MRM3: variants seen among roughly 807,000 people sequenced by gnomAD.
MRM3 encodes mitochondrial rRNA methyltransferase 3.
A neutral mutation model predicts 29.4 loss-of-function variants in MRM3; 26 were observed. The ratio of observed to expected loss-of-function variants is 0.89; its 90% confidence interval spans 0.65 to 1.23. The LOEUF is 1.23. Ranked by LOEUF, MRM3 falls within the 50% of genes most tolerant of loss-of-function variation. MRM3 has a pLI of 0.00. For missense variants in MRM3, 578 were observed against 540.2 expected (o/e 1.07, Z -0.69); for synonymous variants, 225 against 219.0 (o/e 1.03, Z -0.24).
rs936064541 is a variant in MRM3, at chr17:787,903, A to G, written c.560-62A>G. The G allele has an allele frequency of 7.4e-6, 11 of 1,493,790 alleles. No individual in the cohort carries two copies. The highest frequency in any genetic ancestry group is 1.0e-5 in the Non-Finnish European group (11 of 1,074,860). 92.5% of individuals were successfully genotyped at this position (1,493,790 alleles called of 1,614,324 possible). A position where few individuals can be genotyped will look rare whatever the true frequency, so the allele number is the denominator to read the frequency against. On this transcript the variant is annotated intron_variant, in intron 2 of 3. Coordinates refer to ENST00000304478, the MANE Select transcript of MRM3 (RefSeq NM_018146.4). This position sits in a 1 kb window ranked among gnomAD's most constrained non-coding sequence, Gnocchi z 4.1. ...CCATATCAAGATTGATAAGTAAATG[A>G]AAAGTCAGACTATTCCCCGTGCCCA...
chr17:791,816 T>C lies in MRM3; in HGVS notation c.1010T>C (p.Val337Ala). 6.2e-7 allele frequency: 1 copy of C among 1,614,166 alleles called. No homozygotes were observed. The highest frequency in any genetic ancestry group is 1.1e-5 in the South Asian group (1 of 91,084). The change falls in exon 4 of 4, where the codon GTT becomes GCT. Residue 337 changes from valine (V) to alanine (A), a missense_variant. By Grantham distance (64) the Val-to-Ala change is moderately conservative (BLOSUM62 0). Coordinates refer to ENST00000304478, the MANE Select transcript of MRM3 (RefSeq NM_018146.4). ...TGASQDWLPHVEVQSYDSDWT... is the reference protein window; with the variant it reads ...TGASQDWLPHAEVQSYDSDWT... ...GCCAGTCAAGATTGGCTGCCTCATG[T>C]TGAGGTTCAGAGTTACGACTCGGAC...
chr17:788,608 A>G (rs1268525804), intron 3 of MRM3, among the ~76,000 whole-genome samples: 4 of 151,886 alleles, frequency 2.6e-5, no homozygotes, highest in Admixed American at 6.6e-5. Context: ...ATGAACAACT[A>G]TGCCCAGCCA....
chr17:786,836 T>C (rs920933703), intron 2 of MRM3, among the ~76,000 whole-genome samples: 10 of 152,234 alleles, frequency 6.6e-5, no homozygotes, highest in Non-Finnish European at 1.5e-4. Flanking sequence ...TTTAGACACA[T>C]GGACAGACAG....
At position 791,983 on chromosome 17, in the gene MRM3, A is replaced by G. The variant is rs569705225; in HGVS notation, c.1177A>G (p.Met393Val). The G allele has an allele frequency of 2.5e-6, 4 of 1,614,014 alleles. No homozygotes were observed. The highest frequency in any genetic ancestry group is 3.4e-6 in the Non-Finnish European group (4 of 1,180,034). Reference sequence around the variant, plus strand: ...TGGTGTGGACAGCCTCAACTCGGCCATGGCGGCAAGCATCCTGCTTTTCGA... The same window carrying G: ...TGGTGTGGACAGCCTCAACTCGGCCGTGGCGGCAAGCATCCTGCTTTTCGA... ...VPGVDSLNSA[M>V]AASILLFEGK... The change falls in exon 4 of 4, where the codon ATG (methionine) becomes GTG (valine). Residue 393 changes from methionine (M) to valine (V), a missense_variant. Coordinates refer to ENST00000304478, the MANE Select transcript of MRM3 (RefSeq NM_018146.4).
intron 1 of MRM3, 23 bp from the exon 2 acceptor site, chr17:783,056 GTTTT>G (rs34512506): frequency 2.0e-4 from 266 of 1,352,314 alleles, no homozygotes; most frequent in Non-Finnish European, 2.5e-4. Flanking sequence ...ATAGTTACCT[GTTTT>G]TTTTTTTTAT....
intron 3 of MRM3, among the ~76,000 whole-genome samples, chr17:788,981 C>G (rs1910670171): frequency 6.6e-6 from 1 of 152,148 alleles, no homozygotes; most frequent in African/African-American, 2.4e-5. Flanking sequence ...AATGTTGATT[C>G]TCTTTTTTAA....
In MRM3 at chr17:791,879, AGAC is replaced by A; in HGVS notation, c.1074_1076del (p.Glu358_Thr359delinsAsp). The A allele has an allele frequency of 1.2e-6, 2 of 1,613,668 alleles. No homozygotes were observed. The highest frequency in any genetic ancestry group is 3.3e-4 in the Middle Eastern group (2 of 6,040). ...CCGGCAGCTGTGGTGATTGGCGGGG[AGAC>A]CTACGGCGTGAGCCTGGAGTCCCTG... On this transcript the variant is annotated inframe_deletion, in exon 4 of 4. Transcript: ENST00000304478.
chr17:790,750 C>T (rs55710915), intron 3 of MRM3, among the ~76,000 whole-genome samples: 1 of 91,576 alleles, frequency 1.1e-5, no homozygotes, highest in African/African-American at 7.0e-5. Context: ...TGCCACCACA[C>T]CCCCACCGGC....
Position 783,271 on chromosome 17 carries a change from T to G in MRM3, c.503T>G (p.Val168Gly). ...DKLKGVSLIK[V>G]KFEDIKDWSD... ...CTGAAAGGTGTCAGCCTCATTAAGG[T>G]GAAATTTGAGGATATCAAGGATTGG... The change falls in exon 2 of 4, where the codon GTG becomes GGG. Residue 168 changes from valine (V) to glycine (G), a missense_variant. Transcript: ENST00000304478. The G allele has an allele frequency of 6.2e-7, 1 of 1,613,730 alleles. No individual in the cohort carries two copies. Among genetic ancestry groups the G allele is most frequent in the Non-Finnish European group, 8.5e-7 (1 of 1,179,912 alleles).
At position 792,213 on chromosome 17, in the gene MRM3, G is replaced by T. The variant is rs927196981; in HGVS notation, c.*144G>T. On this transcript the variant is annotated 3_prime_UTR_variant, in exon 4 of 4. Coordinates refer to ENST00000304478, the MANE Select transcript of MRM3 (RefSeq NM_018146.4). ...CGTCATACAGTTACAGGAAAAATAA[G>T]AACTTCCTCAGAAAGAACAGGTCCG... The T allele has an allele frequency of 1.3e-6, 1 of 777,220 alleles. No homozygotes were observed. The highest frequency in any genetic ancestry group is 2.0e-6 in the Non-Finnish European group (1 of 502,390). 48.1% of individuals were successfully genotyped at this position (777,220 alleles called of 1,614,324 possible). A position where few individuals can be genotyped will look rare whatever the true frequency, so the allele number is the denominator to read the frequency against.
chr17:790,951 G>A (rs1185104940), intron 3 of MRM3, among the ~76,000 whole-genome samples: 2 of 100,152 alleles, frequency 2.0e-5, no homozygotes, highest in Non-Finnish European at 4.1e-5. Flanking sequence ...CACCTCAACT[G>A]TGCCACCACA....
At chr17:784,379 T>C (rs1910435776) in intron 2 of MRM3, among the ~76,000 whole-genome samples, 1 of 152,216 alleles carries the variant, frequency 6.6e-6, no homozygotes. Context: ...AGTAACCATA[T>C]TCTCACTAGC....
chr17:790,367 T>G (rs1910733222), intron 3 of MRM3: 1 of 156,644 alleles, frequency 6.4e-6, no homozygotes, highest in Non-Finnish European at 1.4e-5. Context: ...TAGATCTGAT[T>G]CTGTCACTGC....
chr17:786,708 C>T (rs12941498), intron 2 of MRM3, among the ~76,000 whole-genome samples: 17,851 of 152,112 alleles, frequency 0.12, 1,087 homozygotes, highest in South Asian at 0.17. Flanking sequence ...TGCGCCCAGC[C>T]GAAAACAGGT....
chr17:788,249 G>A, intron 3 of MRM3, 117 bp downstream of exon 3: 1 of 959,110 alleles, frequency 1.0e-6, no homozygotes, highest in South Asian at 1.6e-5. Flanking sequence ...GCAACATAGT[G>A]AGACCTCATC....
Position 791,691 on chromosome 17 carries a change from G to T in MRM3, c.885G>T (p.Gln295His). Reference protein sequence around the residue: ...YVADNCGLYAQAEMSNKASDH... With the variant: ...YVADNCGLYAHAEMSNKASDH... Reference sequence around the variant, plus strand: ...CTGACAACTGTGGCCTTTATGCCCAGGCTGAGATGTCTAATAAAGCTAGTG... The same window carrying T: ...CTGACAACTGTGGCCTTTATGCCCATGCTGAGATGTCTAATAAAGCTAGTG... Residue 295 changes from glutamine (Q) to histidine (H), a missense_variant, in exon 4 of 4, where the codon CAG (glutamine) becomes CAT (histidine). Transcript: ENST00000304478. The T allele has an allele frequency of 6.2e-7, 1 of 1,614,244 alleles. No individual in the cohort carries two copies. Among genetic ancestry groups the T allele is most frequent in the East Asian group, 2.2e-5 (1 of 44,892 alleles).
Position 787,879 on chromosome 17 carries a change from C to A in MRM3, c.560-86C>A. On this transcript the variant is annotated intron_variant, in intron 2 of 3. Transcript: ENST00000304478. This position sits in a 1 kb window ranked among gnomAD's most constrained non-coding sequence, Gnocchi z 4.1. ...TCCTGTATTTTTATGTAACTAAGACCATATCAAGATTGATAAGTAAATGAA... is the reference window on the plus strand; with the variant it reads ...TCCTGTATTTTTATGTAACTAAGACAATATCAAGATTGATAAGTAAATGAA... The A allele has an allele frequency of 7.6e-7, 1 of 1,310,086 alleles. No individual in the cohort carries two copies. The highest frequency in any genetic ancestry group is 1.2e-5 in the South Asian group (1 of 83,000). The allele number at this position is 1,310,086 out of a possible 1,614,324, so 81.2% of individuals were successfully genotyped here.
Position 791,479 on chromosome 17 carries a change from T to C in MRM3, c.728-55T>C. 6 of 1,554,606 alleles carry C rather than the reference T, an allele frequency of 3.9e-6. No homozygotes were observed. In the South Asian group the frequency reaches 7.3e-5, roughly 19 times the overall value. On this transcript the variant is annotated intron_variant, in intron 3 of 3. Transcript: ENST00000304478. Reference sequence around the variant, plus strand: ...AAAATTGATCAGACTTACTCCACAGTCCCCTGGTCTGGGAAGATTTGTAAC... The same window carrying C: ...AAAATTGATCAGACTTACTCCACAGCCCCCTGGTCTGGGAAGATTTGTAAC...
intron 2 of MRM3, among the ~76,000 whole-genome samples, chr17:784,029 A>G (rs373103576): frequency 3.3e-5 from 5 of 152,190 alleles, no homozygotes; most frequent in African/African-American, 1.2e-4. Context: ...ACAAGCCACA[A>G]TTTACTGCCC....
Sources: gnomAD v4.1 joint callset for allele counts (sites outside exome capture counted in the v4.1 genomes callset) on GRCh38, gnomAD v4.1.1 for gene constraint, Gnocchi (gnomAD v3.1) non-coding constraint, MANE v1.5 for transcripts, NCBI Gene and HGNC (gene_info 2026-07-23, HGNC 2026-07-21) for gene names.